The following CCNL1 variants were observed in gnomAD, a reference collection of about 807,000 sequenced individuals.
CCNL1 encodes the protein cyclin L1, also known as cyclin-L1.
In CCNL1, 13 loss-of-function variants were observed where a neutral mutation model predicts 60.6. The ratio of observed to expected loss-of-function variants is 0.21; its 90% CI spans 0.14 to 0.34. The LOEUF (loss-of-function observed/expected upper bound fraction) is 0.34. Among genes scored for constraint, CCNL1 ranks in the 10% least tolerant of loss-of-function variants. The probability of loss-of-function intolerance (pLI) is 1.00; values close to 1 mark genes in which losing one functional copy is unlikely to be tolerated. For missense variants in CCNL1, 481 were observed against 664.3 expected, an observed-to-expected ratio of 0.72 and a Z score of 3.03; for synonymous variants, 270 against 244.3, an observed-to-expected ratio of 1.10 and a Z score of -0.98.
chr3:157,156,824 T>C, intron 3 of CCNL1: 1 of 872,264 alleles, frequency 1.1e-6, no homozygotes, highest in Non-Finnish European at 1.5e-6. Context: ...TCTAATGACA[T>C]TAACCTATGC....
chr3:157,151,625 A>G (rs1379201777), intron 5 of CCNL1: 3 of 988,284 alleles, frequency 3.0e-6, no homozygotes, highest in Non-Finnish European at 3.6e-6. Context: ...CTCCTAATAA[A>G]CCATTTAATT....
At chr3:157,154,125 C>A (rs1040807480) in intron 3 of CCNL1, 1 of 152,180 alleles carries the variant, frequency 6.6e-6, no homozygotes, top group African/African-American at 2.4e-5. Context: ...AAAAGTAGCA[C>A]ATTCAACTGA....
rs542056018 is a variant in CCNL1 at position 157,156,160 on chromosome 3, G to A, written c.488+2706C>T. 1.4e-4 allele frequency among the ~76,000 whole-genome samples: 21 copies of A among 152,316 alleles called. 1 individual carries two copies. Among genetic ancestry groups the A allele is most frequent in the Middle Eastern group, 3.4e-3 (1 of 294 alleles). On this transcript the variant is annotated intron_variant, in intron 3 of 10. Coordinates refer to ENST00000295926, the MANE Select transcript of CCNL1 (RefSeq NM_020307.4). ...AAATATTGGAACCAAGTCTTCAAGAGACTATAACAGATTGGTAGTTTACAA... is the reference window on the plus strand; with the variant it reads ...AAATATTGGAACCAAGTCTTCAAGAAACTATAACAGATTGGTAGTTTACAA...
chr3:157,151,684 TAG>T, intron 5 of CCNL1: 1 of 992,294 alleles, frequency 1.0e-6, no homozygotes. Context: ...TTCATTTTGA[TAG>T]TTACAAGTAT....
chr3:157,157,200 G>T (rs374577458), intron 3 of CCNL1: 4 of 928,246 alleles, frequency 4.3e-6, no homozygotes, highest in African/African-American at 1.7e-5. Context: ...TTAAAAAAAG[G>T]CTTCCATGCA....
chr3:157,150,830 A>T, intron 5 of CCNL1: 5 of 987,548 alleles, frequency 5.1e-6, no homozygotes, highest in Non-Finnish European at 6.0e-6. Context: ...TACCGTTAAC[A>T]GGGGTAAAAA....
chr3:157,153,605 G>A, intron 3 of CCNL1: 1 of 153,330 alleles, frequency 6.5e-6, no homozygotes, highest in Non-Finnish European at 1.5e-5. Context: ...CACTAAAGTT[G>A]GTATACAATC....
Position 157,148,180 on chromosome 3 carries a change from C to T in CCNL1, c.*61G>A, listed in dbSNP as rs969292368. ...TGCGTTTAATGTTTTTGATTGAGTC[C>T]ATACATCACACTGTAGATAGGCAAA... On this transcript the variant is annotated 3_prime_UTR_variant, in exon 11 of 11. Transcript: ENST00000295926. The T allele has an allele frequency of 2.6e-6, 4 of 1,547,136 alleles. No individual in the cohort carries two copies. The highest frequency in any genetic ancestry group is 3.5e-6 in the Non-Finnish European group (4 of 1,150,228).
intron 2 of CCNL1, 137 bp downstream of exon 2, chr3:157,159,267 CT>C (rs1339095823): frequency 2.6e-6 from 2 of 766,292 alleles, no homozygotes; most frequent in African/African-American, 3.5e-5. Flanking sequence ...AAGGTTTCCA[CT>C]TCCTGGCGAG....
chr3:157,153,811 G>GT (rs1161836063), intron 3 of CCNL1: 1 of 152,088 alleles, frequency 6.6e-6, no homozygotes, highest in Non-Finnish European at 1.5e-5. Context: ...GGGGTATTAT[G>GT]TTTTTAATAA....
chr3:157,150,817 A>G, intron 5 of CCNL1: 2 of 989,122 alleles, frequency 2.0e-6, no homozygotes, highest in Non-Finnish European at 2.4e-6. Flanking sequence ...CAAAAGCTCA[A>G]AATACCGTTA....
intron 5 of CCNL1, chr3:157,150,860 A>T: frequency 4.1e-6 from 4 of 985,960 alleles, no homozygotes; most frequent in Non-Finnish European, 4.8e-6. Flanking sequence ...AGTAAGTACC[A>T]AGTTAAACTT....
chr3:157,148,939 G>C (rs1379958348), intron 10 of CCNL1: 1 of 326,004 alleles, frequency 3.1e-6, no homozygotes, highest in Admixed American at 4.5e-5. Flanking sequence ...TTCATTGACT[G>C]GTTAATTTGA....
chr3:157,145,460 A>C (rs1312414885), downstream of CCNL1, among the ~76,000 whole-genome samples: 5 of 148,148 alleles, frequency 3.4e-5, no homozygotes, highest in African/African-American at 1.0e-4. Context: ...AAAAAAAAAA[A>C]AAAACCAAAA....
rs1004524363 is a variant in CCNL1 at position 157,149,713 on chromosome 3, G to T, written c.1022-117C>A. The T allele has an allele frequency of 9.6e-6, 14 of 1,457,278 alleles. No homozygotes were observed. In the African/African-American group the frequency reaches 1.6e-4, roughly 16 times the overall value. 90.3% of individuals were successfully genotyped at this position (1,457,278 alleles called of 1,614,324 possible). A position where few individuals can be genotyped will look rare whatever the true frequency, so the allele number is the denominator to read the frequency against. On this transcript the variant is annotated intron_variant, in intron 8 of 10. Coordinates refer to ENST00000295926, the MANE Select transcript of CCNL1 (RefSeq NM_020307.4). The stretch of plus-strand genomic sequence containing the variant: ...CGCTTCCATGTTGGTTGACTGCCAT[G>T]AGAGAACATAGCAGCAGTTTCCTAA...
intron 4 of CCNL1, chr3:157,152,573 G>A (rs143454763): frequency 1.0e-5 from 11 of 1,078,568 alleles, no homozygotes; most frequent in South Asian, 3.0e-5. Flanking sequence ...GTCCTGACCC[G>A]GGTAACTCAC....
intron 4 of CCNL1, chr3:157,152,660 C>T: frequency 9.3e-7 from 1 of 1,077,492 alleles, no homozygotes. Flanking sequence ...CAGTGAGCAG[C>T]CAACACACTT....
intron 3 of CCNL1, chr3:157,154,503 A>G (rs1289893207): frequency 2.0e-5 from 3 of 152,202 alleles, no homozygotes; most frequent in African/African-American, 7.2e-5. Context: ...CCCAATGCAC[A>G]CCAGATCCAG....
At chr3:157,155,171 C>A (rs186386287) in intron 3 of CCNL1, among the ~76,000 whole-genome samples, 57 of 152,192 alleles carry the variant, frequency 3.7e-4, no homozygotes, top group African/African-American at 1.3e-3. Context: ...CCCTTGCAAT[C>A]CAGACAGAAG....
Sources: gnomAD v4.1 joint callset for allele counts (sites outside exome capture counted in the v4.1 genomes callset) on GRCh38, gnomAD v4.1.1 for gene constraint, MANE v1.5 for transcripts, NCBI Gene and HGNC (gene_info 2026-07-23, HGNC 2026-07-21) for gene names.